Variants in NUP155 observed in about 807,000 individuals in gnomAD.
The protein encoded by NUP155 is nucleoporin 155.
A neutral mutation model predicts 180.4 loss-of-function variants in NUP155; 71 were observed. The observed-to-expected ratio is 0.39, with a 90% CI of 0.33 to 0.48. The LOEUF (loss-of-function observed/expected upper bound fraction) is 0.48, where lower values mean the gene tolerates loss of function less well. NUP155 is among the 20% of genes least tolerant of loss of function. NUP155 has a pLI of 0.91. For missense variants in NUP155, 1,553 were observed against 1,648.9 expected (o/e 0.94, Z 1.01); for synonymous variants, 582 against 559.5 (o/e 1.04, Z -0.57).
At chr5:37,294,520 G>A in intron 32 of NUP155, 55 bp from the exon 33 acceptor site, 1 of 1,529,992 alleles carries the variant, frequency 6.5e-7, no homozygotes, top group East Asian at 2.3e-5. Flanking sequence ...GATACTAAAA[G>A]GTAGGTCTTA....
chr5:37,339,196 T>C lies in NUP155; in HGVS notation c.1247-1278A>G, dbSNP rs182483990. ...CCAGCCTGGGCAATAAAGTAAGACC[T>C]TGTTTCAACAAAACATGAGGCAGGA... On this transcript the variant is annotated intron_variant, in intron 11 of 34. Transcript: ENST00000231498. Among the ~76,000 whole-genome samples the C allele has an allele frequency of 6.6e-3, 996 of 149,798 alleles. 9 individuals carry two copies. Among genetic ancestry groups the C allele is most frequent in the African/African-American group, 0.023 (935 of 40,678 alleles).
intron 16 of NUP155, among the ~76,000 whole-genome samples, chr5:37,328,918 C>T (rs1413383380): frequency 2.6e-5 from 4 of 152,102 alleles, no homozygotes; most frequent in Admixed American, 1.3e-4. Flanking sequence ...CACTGATGTG[C>T]GAGTTAATTA....
chr5:37,337,766 C>T (rs1400315817), intron 12 of NUP155, 52 bp downstream of exon 12: 3 of 1,077,296 alleles, frequency 2.8e-6, no homozygotes, highest in South Asian at 2.6e-5. Flanking sequence ...TCCATATTAT[C>T]CTTCACTTAA....
At chr5:37,342,686 G>C (rs1745809332) in intron 9 of NUP155, 40 bp from the exon 10 acceptor site, 2 of 1,220,916 alleles carry the variant, frequency 1.6e-6, no homozygotes, top group Non-Finnish European at 1.2e-6. Flanking sequence ...TTTAAAATGT[G>C]TCTGCTAAAT....
Position 37,359,069 on chromosome 5 carries a change from G to A in NUP155, c.393-918C>T, listed in dbSNP as rs148486045. On this transcript the variant is annotated intron_variant, in intron 3 of 34. Coordinates refer to ENST00000231498, the MANE Select transcript of NUP155 (RefSeq NM_153485.3). ...CATGCCTGTAATCTCAGCACTTTGG[G>A]AGGGTGAGGCAGGAGCCCAGGAGAG... Among the ~76,000 whole-genome samples, 817 of 151,820 alleles carry A rather than the reference G, an allele frequency of 5.4e-3. 6 individuals carry two copies. Among genetic ancestry groups the A allele is most frequent in the African/African-American group, 0.019 (776 of 41,462 alleles).
chr5:37,334,671 A>C (rs920589937), intron 12 of NUP155, among the ~76,000 whole-genome samples: 1 of 152,132 alleles, frequency 6.6e-6, no homozygotes, highest in Non-Finnish European at 1.5e-5. Flanking sequence ...GGCGTGAGCC[A>C]CCATGCCCAG....
chr5:37,339,752 TTG>T (rs1286086852), intron 11 of NUP155, among the ~76,000 whole-genome samples: 4 of 152,288 alleles, frequency 2.6e-5, no homozygotes, highest in East Asian at 3.9e-4. Flanking sequence ...CCTCACTTTT[TTG>T]TGTGTTTTTT....
intron 15 of NUP155, 26 bp downstream of exon 15, chr5:37,330,012 A>T: frequency 6.6e-7 from 1 of 1,523,998 alleles, no homozygotes; most frequent in Non-Finnish European, 9.1e-7. Flanking sequence ...AAAACAAATA[A>T]ATAAACAAGA....
In NUP155 at chr5:37,292,968, T is replaced by C; in HGVS notation, c.3948A>G (p.Arg1316=). Residue 1316 remains arginine, a synonymous_variant, in exon 34 of 35, where the codon AGA becomes AGG. Transcript: ENST00000231498. ...LFKSRDPFWN[R]MKKPLHLLDC... ...CCAAAAGGTGCAGTGGCTTCTTCATTCTGTTCCAGAATGGATCCTATGAAG... is the reference window on the plus strand; with the variant it reads ...CCAAAAGGTGCAGTGGCTTCTTCATCCTGTTCCAGAATGGATCCTATGAAG... 2 of 1,608,110 alleles carry C rather than the reference T, an allele frequency of 1.2e-6. No individual in the cohort carries two copies. The highest frequency in any genetic ancestry group is 1.7e-6 in the Non-Finnish European group (2 of 1,174,784).
At chr5:37,307,050 T>C (rs1469374572) in intron 25 of NUP155, among the ~76,000 whole-genome samples, 1 of 151,426 alleles carries the variant, frequency 6.6e-6, no homozygotes, top group African/African-American at 2.4e-5. Flanking sequence ...ATACAAAAAT[T>C]AGCCAGGCGT....
At chr5:37,332,622 C>A (rs1745053167) in intron 13 of NUP155, among the ~76,000 whole-genome samples, 1 of 152,092 alleles carries the variant, frequency 6.6e-6, no homozygotes, top group South Asian at 2.1e-4. Flanking sequence ...AGAGTGGATT[C>A]TTTTATAAAC....
intron 5 of NUP155, 75 bp from the exon 6 acceptor site, chr5:37,351,431 A>C (rs377141433): frequency 2.8e-6 from 3 of 1,059,342 alleles, no homozygotes; most frequent in African/African-American, 3.2e-5. Flanking sequence ...TTATCATCAG[A>C]ATCTATATGT....
chr5:37,349,565 T>C (rs1746329538), intron 7 of NUP155, among the ~76,000 whole-genome samples: 1 of 152,168 alleles, frequency 6.6e-6, no homozygotes, highest in South Asian at 2.1e-4. Context: ...TGAAATAACT[T>C]AGAAAATAAA....
chr5:37,309,382 G>C, intron 23 of NUP155, 115 bp from the exon 24 acceptor site: 102 of 801,102 alleles, frequency 1.3e-4, no homozygotes, highest in East Asian at 1.8e-4. Context: ...CCATTAAAAT[G>C]AAAACAACTC....
At chr5:37,352,293 G>A (rs1028444170) in intron 5 of NUP155, among the ~76,000 whole-genome samples, 8 of 152,126 alleles carry the variant, frequency 5.3e-5, no homozygotes, top group Admixed American at 3.3e-4. Flanking sequence ...GGGAGGCAGA[G>A]GTTGCACTGA....
chr5:37,332,711 C>T (rs1745059255), intron 13 of NUP155, among the ~76,000 whole-genome samples: 1 of 152,104 alleles, frequency 6.6e-6, no homozygotes, highest in Non-Finnish European at 1.5e-5. Context: ...GTAATCTCAG[C>T]ACTGTGGGAG....
intron 15 of NUP155, 85 bp from the exon 16 acceptor site, chr5:37,329,363 C>T (rs1744811530): frequency 6.7e-6 from 7 of 1,042,570 alleles, no homozygotes; most frequent in Non-Finnish European, 1.0e-5. Context: ...TCCTGTTTAG[C>T]TTCCAAGTAA....
intron 23 of NUP155, 49 bp from the exon 24 acceptor site, chr5:37,309,316 C>T: frequency 6.7e-7 from 1 of 1,496,136 alleles, no homozygotes; most frequent in Non-Finnish European, 9.2e-7. Flanking sequence ...ATCAAGCAGA[C>T]AGATGATGCT....
intron 34 of NUP155, among the ~76,000 whole-genome samples, chr5:37,292,664 G>A (rs1742299027): frequency 1.3e-5 from 2 of 152,048 alleles, no homozygotes; most frequent in Non-Finnish European, 2.9e-5. Flanking sequence ...TAGAAGAAAT[G>A]AATACATTAT....
Sources: gnomAD v4.1 joint callset for allele counts (sites outside exome capture counted in the v4.1 genomes callset) on GRCh38, gnomAD v4.1.1 for gene constraint, MANE v1.5 for transcripts, NCBI Gene and HGNC (gene_info 2026-07-23, HGNC 2026-07-21) for gene names.